Variants in CDR2 observed in about 807,000 individuals in gnomAD.
CDR2 encodes cerebellar degeneration related protein 2.
Under a neutral mutation model 48.4 loss-of-function variants are expected in CDR2, and 34 were observed. That is an observed-to-expected ratio of 0.70 (90% CI 0.53 to 0.94). The LOEUF (loss-of-function observed/expected upper bound fraction) is 0.94, where lower values mean the gene tolerates loss of function less well. CDR2 is among the 40% of genes least tolerant of loss of function. The pLI, the probability that CDR2 is intolerant of heterozygous loss-of-function variation, is 0.00. For missense variants in CDR2, 498 were observed against 549.5 expected (o/e 0.91, Z 0.94); for synonymous variants, 240 against 219.7 (o/e 1.09, Z -0.82).
chr16:22,364,755 C>T (rs1463366277), intron 2 of CDR2, 147 bp downstream of exon 2: 8 of 536,858 alleles, frequency 1.5e-5, no homozygotes, highest in Admixed American at 3.3e-5. Context: ...CCCAGCTACT[C>T]GGGAGGCGGT....
chr16:22,371,864 G>C (rs971870953), intron 1 of CDR2, among the ~76,000 whole-genome samples: 18 of 151,590 alleles, frequency 1.2e-4, no homozygotes, highest in Non-Finnish European at 2.2e-4. Context: ...GTGTGTGTGT[G>C]TGTGTGTGTG....
intron 2 of CDR2, among the ~76,000 whole-genome samples, chr16:22,354,996 CA>C (rs2048965417): frequency 6.6e-6 from 1 of 152,174 alleles, no homozygotes; most frequent in Non-Finnish European, 1.5e-5. Flanking sequence ...CAACCAGTTT[CA>C]ACAATTATCA....
At chr16:22,351,596 C>G (rs142082382) in intron 2 of CDR2, among the ~76,000 whole-genome samples, 1 of 152,120 alleles carries the variant, frequency 6.6e-6, no homozygotes, top group African/African-American at 2.4e-5. Context: ...GTTGCTTTGA[C>G]GAGAAATATA....
Position 22,346,864 on chromosome 16 carries a change from G to T in CDR2, c.*101C>A. The T allele has an allele frequency of 7.7e-7, 1 of 1,303,512 alleles. No individual in the cohort carries two copies. The allele number at this position is 1,303,512 out of a possible 1,614,324, so 80.7% of individuals were successfully genotyped here. A position where few individuals can be genotyped will look rare whatever the true frequency, so the allele number is the denominator to read the frequency against. Reference sequence around the variant, plus strand: ...AAATAAGCAAAGCAATGAGGCAAACGTCATGAGTAACATTAGGCTTCAGAG... The same window carrying T: ...AAATAAGCAAAGCAATGAGGCAAACTTCATGAGTAACATTAGGCTTCAGAG... On this transcript the variant is annotated 3_prime_UTR_variant, in exon 5 of 5. Coordinates refer to ENST00000268383, the MANE Select transcript of CDR2 (RefSeq NM_001802.2).
intron 2 of CDR2, among the ~76,000 whole-genome samples, chr16:22,357,144 G>T (rs1446577430): frequency 1.3e-5 from 2 of 152,066 alleles, no homozygotes; most frequent in African/African-American, 4.8e-5. Flanking sequence ...GGTCTCCCAG[G>T]TTCAAGTGAT....
At chr16:22,363,857 T>G (rs1323234078) in intron 2 of CDR2, among the ~76,000 whole-genome samples, 2 of 152,226 alleles carry the variant, frequency 1.3e-5, no homozygotes, top group Non-Finnish European at 2.9e-5. Flanking sequence ...TTTATAAGAT[T>G]AGCAGCATAG....
Position 22,374,231 on chromosome 16 carries a change from CT to C in CDR2, c.78del (p.Asp27IlefsTer40), listed in dbSNP as rs2049101610. The C allele has an allele frequency of 1.3e-6, 2 of 1,594,686 alleles. No individual in the cohort carries two copies. Among genetic ancestry groups the C allele is most frequent in the Non-Finnish European group, 1.7e-6 (2 of 1,170,618 alleles). On this transcript the variant is annotated frameshift_variant and splice_region_variant, in exon 1 of 5. Coordinates refer to ENST00000268383, the MANE Select transcript of CDR2 (RefSeq NM_001802.2). LOFTEE classifies it high-confidence loss of function. ...GCCCGCGGGGCGCCCCCGCCCTCACCTTGCTGGAGGTCCTGGTGGTCGTACC... is the reference window on the plus strand; with the variant it reads ...GCCCGCGGGGCGCCCCCGCCCTCACCTGCTGGAGGTCCTGGTGGTCGTACC... ...EPWYDHQDLQ[Q>X]DLQLAAELGK...
intron 2 of CDR2, among the ~76,000 whole-genome samples, chr16:22,356,797 A>T (rs1309910980): frequency 6.6e-6 from 1 of 151,678 alleles, no homozygotes; most frequent in Non-Finnish European, 1.5e-5. Context: ...TTATCCAGGC[A>T]AGGTAGTGTA....
At chr16:22,347,954 T>C (rs1455647573) in intron 4 of CDR2, 131 bp from the exon 5 acceptor site, 30 of 889,268 alleles carry the variant, frequency 3.4e-5, no homozygotes, top group Middle Eastern at 3.0e-4. Flanking sequence ...TTTCTTTTTT[T>C]TTGAGACGGA....
intron 4 of CDR2, 27 bp downstream of exon 4, chr16:22,349,252 T>C: frequency 6.2e-7 from 1 of 1,613,262 alleles, no homozygotes. Context: ...GTCCCTGCTG[T>C]AACTCCACAG....
intron 2 of CDR2, among the ~76,000 whole-genome samples, chr16:22,353,844 G>C (rs1198789922): frequency 6.6e-6 from 1 of 152,162 alleles, no homozygotes; most frequent in Non-Finnish European, 1.5e-5. Context: ...TAGTAAGCTT[G>C]TTTTTCTCTT....
At chr16:22,352,828 C>T (rs1255852522) in intron 2 of CDR2, among the ~76,000 whole-genome samples, 1 of 152,192 alleles carries the variant, frequency 6.6e-6, no homozygotes, top group Admixed American at 6.5e-5. Flanking sequence ...GTGTAGTCTT[C>T]ACTGCCTCAA....
intron 2 of CDR2, among the ~76,000 whole-genome samples, chr16:22,358,442 C>T (rs1424936816): frequency 1.3e-5 from 2 of 152,042 alleles, no homozygotes; most frequent in East Asian, 3.9e-4. Flanking sequence ...CAGTTATGCA[C>T]AAAAGCTACA....
At chr16:22,352,821 T>C (rs2141844871) in intron 2 of CDR2, among the ~76,000 whole-genome samples, 1 of 152,336 alleles carries the variant, frequency 6.6e-6, no homozygotes, top group South Asian at 2.1e-4. Flanking sequence ...AGCCTGTGTG[T>C]AGTCTTCACT....
rs773492357 is a variant in CDR2, at chr16:22,347,573, C to T, written c.757G>A (p.Glu253Lys). 1.1e-5 allele frequency: 18 copies of T among 1,614,136 alleles called. No homozygotes were observed. Among genetic ancestry groups the T allele is most frequent in the Middle Eastern group, 1.6e-4 (1 of 6,062 alleles). Residue 253 changes from glutamate to lysine, a missense_variant, in exon 5 of 5, where the codon GAG becomes AAG. Transcript: ENST00000268383. ...AACATCTGTCGCATCTCTGCCACCTCGGCCTCTAGTTCCAGCGCCCGTGCT... is the reference window on the plus strand; with the variant it reads ...AACATCTGTCGCATCTCTGCCACCTTGGCCTCTAGTTCCAGCGCCCGTGCT... ...YRARALELEA[E>K]VAEMRQMLQS...
Position 22,349,753 on chromosome 16 carries a change from T to C in CDR2, c.289A>G (p.Thr97Ala). ...LDVTARELEE[T>A]NQKLVADSKA... The stretch of plus-strand genomic sequence containing the variant: ...CTGTCAGCAACTAGCTTTTGATTTG[T>C]TTCTTCCAGTTCCCTTGCTGTGACG... Residue 97 changes from threonine to alanine, a missense_variant, in exon 3 of 5, where the codon ACA (threonine) becomes GCA (alanine). Thr to Ala is a moderately conservative substitution (Grantham distance 58). Transcript: ENST00000268383. 6.2e-7 allele frequency: 1 copy of C among 1,614,160 alleles called. No individual in the cohort carries two copies. Among genetic ancestry groups the C allele is most frequent in the Non-Finnish European group, 8.5e-7 (1 of 1,179,996 alleles).
chr16:22,355,422 T>C lies in CDR2; in HGVS notation c.193-5573A>G, dbSNP rs1472598171. ...TAGCCTGGGGTCCATGGATAGACTT[T>C]AGAGGGTCTGTGAACATGGATGAAT... On this transcript the variant is annotated intron_variant, in intron 2 of 4. Coordinates refer to ENST00000268383, the MANE Select transcript of CDR2 (RefSeq NM_001802.2). Among the ~76,000 whole-genome samples, 58 of 152,250 alleles carry C rather than the reference T, an allele frequency of 3.8e-4. 2 individuals carry two copies. The highest frequency in any genetic ancestry group is 3.7e-3 in the Admixed American group (57 of 15,288).
chr16:22,349,878 A>G, intron 2 of CDR2, 29 bp from the exon 3 acceptor site: 1 of 1,611,086 alleles, frequency 6.2e-7, no homozygotes, highest in Non-Finnish European at 8.5e-7. Flanking sequence ...ACCAGGTGAC[A>G]CAAACAGATA....
intron 2 of CDR2, among the ~76,000 whole-genome samples, chr16:22,360,658 C>T (rs2049004579): frequency 6.7e-6 from 1 of 149,066 alleles, no homozygotes; most frequent in South Asian, 2.1e-4. Context: ...TGGACTGTCT[C>T]ATTTTAAATT....
Sources: gnomAD v4.1 joint callset for allele counts (sites outside exome capture counted in the v4.1 genomes callset) on GRCh38, gnomAD v4.1.1 for gene constraint, MANE v1.5 for transcripts, NCBI Gene and HGNC (gene_info 2026-07-23, HGNC 2026-07-21) for gene names.